FNBP1: variants seen among roughly 807,000 people sequenced by gnomAD.
The protein encoded by FNBP1 is formin binding protein 1.
In FNBP1, 26 loss-of-function variants were observed where a neutral mutation model predicts 90.6. The ratio of observed to expected loss-of-function variants is 0.29; its 90% CI spans 0.21 to 0.40. The LOEUF is 0.40. Among genes scored for constraint, FNBP1 ranks in the 10% least tolerant of loss-of-function variants. FNBP1 has a pLI of 1.00. For synonymous variants in FNBP1, 260 were observed against 265.2 expected (o/e 0.98, Z 0.19); for missense variants, 635 against 768.0 (o/e 0.83, Z 2.05).
In FNBP1 at chr9:129,966,661, G is replaced by C. The variant is rs2048684744; in HGVS notation, c.346-8108C>G. Among the ~76,000 whole-genome samples the C allele has an allele frequency of 6.6e-6, 1 of 152,184 alleles. No homozygotes were observed. The stretch of plus-strand genomic sequence containing the variant: ...GCAGGAGAATTGCTTGAACCTGGGT[G>C]ACGGAGGTTGCAGTGAGCTGAGATC... On this transcript the variant is annotated intron_variant, in intron 4 of 16. Transcript: ENST00000446176. This position sits in a 1 kb window ranked among gnomAD's most constrained non-coding sequence, Gnocchi z 4.3.
chr9:129,980,441 C>T (rs906431524), intron 2 of FNBP1, among the ~76,000 whole-genome samples: 1 of 151,762 alleles, frequency 6.6e-6, no homozygotes, highest in Admixed American at 6.6e-5. Context: ...GCATGAAAAC[C>T]ACCTGTGAAT....
chr9:129,941,793 G>C (rs1003453591), intron 6 of FNBP1, among the ~76,000 whole-genome samples: 1 of 152,110 alleles, frequency 6.6e-6, no homozygotes, highest in Non-Finnish European at 1.5e-5. Flanking sequence ...AGTTTAGGCT[G>C]GGTGCAGTGG....
Position 130,043,036 on chromosome 9 carries a change from C to T in FNBP1, c.-61G>A, listed in dbSNP as rs1043755261. On this transcript the variant is annotated 5_prime_UTR_variant, in exon 1 of 17. Coordinates refer to ENST00000446176, the MANE Select transcript of FNBP1 (RefSeq NM_015033.3). Reference sequence around the variant, plus strand: ...GGCGCGGCTCTCTGGTCCCCCTCCCCGGCGATCCCTTTGCCCCCCGAGATC... The same window carrying T: ...GGCGCGGCTCTCTGGTCCCCCTCCCTGGCGATCCCTTTGCCCCCCGAGATC... 1.0e-4 allele frequency: 123 copies of T among 1,220,958 alleles called. No homozygotes were observed. In the African/African-American group the frequency reaches 1.7e-3, roughly 17 times the overall value. The allele number at this position is 1,220,958 out of a possible 1,614,324, so 75.6% of individuals were successfully genotyped here.
At chr9:130,040,596 G>T (rs1018165629) in intron 1 of FNBP1, among the ~76,000 whole-genome samples, 26 of 150,266 alleles carry the variant, frequency 1.7e-4, no homozygotes, top group African/African-American at 6.4e-4. Context: ...ACGCCAGCCT[G>T]GGCAGGCAAC....
At position 130,043,121 on chromosome 9, in the gene FNBP1, C is replaced by T; in HGVS notation, c.-146G>A. On this transcript the variant is annotated 5_prime_UTR_variant, in exon 1 of 17. Coordinates refer to ENST00000446176, the MANE Select transcript of FNBP1 (RefSeq NM_015033.3). ...CTCCTCCGGCTCGCAGCTCCTCGCC[C>T]GGGGTCTCCTCGGCGGCTCCTCCTC... 1.6e-6 allele frequency: 1 copy of T among 622,048 alleles called. No homozygotes were observed. Among genetic ancestry groups the T allele is most frequent in the Non-Finnish European group, 2.3e-6 (1 of 434,954 alleles). The allele number at this position is 622,048 out of a possible 1,614,324, so 38.5% of individuals were successfully genotyped here. A position where few individuals can be genotyped will look rare whatever the true frequency, so the allele number is the denominator to read the frequency against.
intron 12 of FNBP1, among the ~76,000 whole-genome samples, chr9:129,904,501 A>C (rs2037592090): frequency 6.6e-6 from 1 of 152,164 alleles, no homozygotes; most frequent in Non-Finnish European, 1.5e-5. Context: ...AGAAAATCCA[A>C]AGCAGGCCAT....
chr9:129,913,259 C>T (rs1265579405), intron 11 of FNBP1, among the ~76,000 whole-genome samples: 1 of 152,046 alleles, frequency 6.6e-6, no homozygotes, highest in Non-Finnish European at 1.5e-5. Flanking sequence ...TAGTGGCTAC[C>T]ACACTGGACA....
intron 15 of FNBP1, among the ~76,000 whole-genome samples, chr9:129,897,293 A>G (rs1180010369): frequency 6.6e-6 from 1 of 152,122 alleles, no homozygotes; most frequent in Non-Finnish European, 1.5e-5. Flanking sequence ...GATCATTTCA[A>G]AGGCTGCCCA....
chr9:129,972,111 C>T (rs2049543614), intron 4 of FNBP1, among the ~76,000 whole-genome samples: 1 of 152,232 alleles, frequency 6.6e-6, no homozygotes, highest in South Asian at 2.1e-4. Context: ...GTTTCCTATG[C>T]CATCAACCAA....
chr9:129,980,527 C>A (rs1274368207), intron 2 of FNBP1, among the ~76,000 whole-genome samples: 1 of 152,038 alleles, frequency 6.6e-6, no homozygotes, highest in East Asian at 1.9e-4. Context: ...AAACTTTTAA[C>A]CTGCCTAGCA....
chr9:130,022,216 T>C (rs901440277), intron 1 of FNBP1, among the ~76,000 whole-genome samples: 7 of 152,072 alleles, frequency 4.6e-5, no homozygotes, highest in African/African-American at 1.7e-4. Flanking sequence ...TAACTTTTTT[T>C]TTTTTTTGAG....
intron 10 of FNBP1, 133 bp downstream of exon 10, chr9:129,923,711 G>A (rs1196353824): frequency 1.5e-6 from 1 of 670,242 alleles, no homozygotes; most frequent in East Asian, 5.4e-5. Flanking sequence ...AATGGTTTTT[G>A]TTTTTTTTTT....
intron 6 of FNBP1, among the ~76,000 whole-genome samples, chr9:129,940,899 A>G (rs2044229882): frequency 6.6e-6 from 1 of 151,914 alleles, no homozygotes; most frequent in Non-Finnish European, 1.5e-5. Context: ...TGCTGAGATT[A>G]CAGGCGTGAG....
Position 129,978,295 on chromosome 9 carries a change from A to T in FNBP1, c.345+170T>A, listed in dbSNP as rs1014960776. 1.2e-5 allele frequency: 7 copies of T among 572,566 alleles called. No individual in the cohort carries two copies. In the Admixed American group the frequency reaches 2.4e-4, roughly 19 times the overall value. The allele number at this position is 572,566 out of a possible 1,614,324, so 35.5% of individuals were successfully genotyped here. ...CGGCCTCCCAAAGTCCTGGGATTAC[A>T]GGCATGAGCCACCGTGCCCAGCTGG... On this transcript the variant is annotated intron_variant, in intron 4 of 16. Coordinates refer to ENST00000446176, the MANE Select transcript of FNBP1 (RefSeq NM_015033.3).
At chr9:129,910,914 T>G (rs1030472136) in intron 11 of FNBP1, among the ~76,000 whole-genome samples, 4 of 152,126 alleles carry the variant, frequency 2.6e-5, no homozygotes, top group Non-Finnish European at 4.4e-5. Flanking sequence ...AAGTGACTAT[T>G]CCTAATAGCA....
intron 6 of FNBP1, among the ~76,000 whole-genome samples, chr9:129,941,912 A>G (rs2044385214): frequency 6.6e-6 from 1 of 152,074 alleles, no homozygotes; most frequent in African/African-American, 2.4e-5. Flanking sequence ...CTCTACTAAA[A>G]ATACAAAAAT....
At chr9:129,934,156 CT>C (rs1471638676) in intron 6 of FNBP1, among the ~76,000 whole-genome samples, 1 of 152,156 alleles carries the variant, frequency 6.6e-6, no homozygotes, top group Non-Finnish European at 1.5e-5. Flanking sequence ...CTTCTCATCT[CT>C]TTTTAAAAGT....
intron 1 of FNBP1, among the ~76,000 whole-genome samples, chr9:130,003,672 C>T (rs2055207848): frequency 6.6e-6 from 1 of 150,570 alleles, no homozygotes; most frequent in Admixed American, 6.6e-5. Context: ...GCCTGTAATT[C>T]CAGCACTTTG....
chr9:129,984,523 A>G (rs1372286572), intron 2 of FNBP1, among the ~76,000 whole-genome samples: 1 of 152,190 alleles, frequency 6.6e-6, no homozygotes, highest in Non-Finnish European at 1.5e-5. Flanking sequence ...TGACCACCCA[A>G]GGCCTTGGGC....
Sources: gnomAD v4.1 joint callset for allele counts (sites outside exome capture counted in the v4.1 genomes callset) on GRCh38, gnomAD v4.1.1 for gene constraint, Gnocchi (gnomAD v3.1) non-coding constraint, MANE v1.5 for transcripts, NCBI Gene and HGNC (gene_info 2026-07-23, HGNC 2026-07-21) for gene names.